The following RGS7 variants were observed in gnomAD, a reference collection of about 807,000 sequenced individuals.
RGS7 encodes the protein regulator of G protein signaling 7.
A neutral mutation model predicts 81.1 loss-of-function variants in RGS7; 27 were observed. That is an observed-to-expected ratio of 0.33 (90% CI 0.25 to 0.46). The LOEUF is 0.46. Among genes scored for constraint, RGS7 ranks in the 20% least tolerant of loss-of-function variants. The pLI, the probability that RGS7 is intolerant of heterozygous loss-of-function variation, is 1.00. For missense variants in RGS7, 396 were observed against 607.4 expected, an observed-to-expected ratio of 0.65 and a Z score of 3.66; for synonymous variants, 208 against 207.7, an observed-to-expected ratio of 1.00 and a Z score of -0.01.
chr1:240,982,806 G>GTA (rs1685118865), intron 4 of RGS7, among the ~76,000 whole-genome samples: 1 of 152,172 alleles, frequency 6.6e-6, no homozygotes, highest in African/African-American at 2.4e-5. Context: ...TTATGGACAT[G>GTA]TATACAGCTG....
intron 2 of RGS7, among the ~76,000 whole-genome samples, chr1:241,203,912 C>T (rs1212219340): frequency 6.6e-6 from 1 of 152,092 alleles, no homozygotes; most frequent in African/African-American, 2.4e-5. Context: ...ATGCACAGTC[C>T]AGACAAGGAA....
intron 2 of RGS7, among the ~76,000 whole-genome samples, chr1:241,301,062 A>C (rs934015650): frequency 6.6e-6 from 1 of 152,184 alleles, no homozygotes; most frequent in Non-Finnish European, 1.5e-5. Flanking sequence ...CCTTTTAGCC[A>C]TATCTATGCC....
intron 3 of RGS7, among the ~76,000 whole-genome samples, chr1:241,007,078 A>G (rs11801724): frequency 0.022 from 3,404 of 151,908 alleles, 134 homozygotes; most frequent in African/African-American, 0.077. Flanking sequence ...CACCATGCCC[A>G]GCTATTTTTT....
chr1:240,875,094 C>T (rs261825), intron 6 of RGS7, among the ~76,000 whole-genome samples: 53,963 of 151,926 alleles, frequency 0.36, 10,327 homozygotes, highest in African/African-American at 0.49. Context: ...TGGCAATTTT[C>T]AAGTATTAAT....
At chr1:240,940,216 T>C (rs1677356304) in intron 4 of RGS7, among the ~76,000 whole-genome samples, 1 of 152,244 alleles carries the variant, frequency 6.6e-6, no homozygotes, top group South Asian at 2.1e-4. Flanking sequence ...TTCTTTGTTC[T>C]GTCATTTTTT....
chr1:240,915,510 A>C (rs191735), intron 6 of RGS7, among the ~76,000 whole-genome samples: 83,727 of 152,006 alleles, frequency 0.55, 23,845 homozygotes, highest in Middle Eastern at 0.69. Flanking sequence ...TTTCTAGGAA[A>C]ACCCAAAGAC....
chr1:241,121,512 C>G (rs992581279), intron 2 of RGS7, among the ~76,000 whole-genome samples: 1 of 151,994 alleles, frequency 6.6e-6, no homozygotes, highest in Non-Finnish European at 1.5e-5. Context: ...ATTGATGCAG[C>G]CTCACATAAA....
intron 9 of RGS7, among the ~76,000 whole-genome samples, chr1:240,851,891 G>C (rs1660174067): frequency 6.6e-6 from 1 of 152,210 alleles, no homozygotes; most frequent in Non-Finnish European, 1.5e-5. Context: ...AGGGGGAGTT[G>C]CTTCTTATGG....
intron 2 of RGS7, among the ~76,000 whole-genome samples, chr1:241,145,956 T>C (rs1022437781): frequency 3.9e-5 from 6 of 152,180 alleles, no homozygotes; most frequent in African/African-American, 1.4e-4. Flanking sequence ...TCACTGAAAG[T>C]TCTCCTTTAA....
chr1:240,916,184 T>C (rs1276335245), intron 6 of RGS7, among the ~76,000 whole-genome samples: 1 of 147,582 alleles, frequency 6.8e-6, no homozygotes, highest in African/African-American at 2.5e-5. Context: ...AGGCTGAGCA[T>C]GAGAATTGCT....
chr1:240,984,686 A>G (rs1016937927), intron 3 of RGS7, among the ~76,000 whole-genome samples: 1 of 152,186 alleles, frequency 6.6e-6, no homozygotes, highest in South Asian at 2.1e-4. Context: ...TTCAGTGTGA[A>G]CCAAGATTCC....
chr1:240,884,835 C>T (rs186942888), intron 6 of RGS7, among the ~76,000 whole-genome samples: 43 of 152,260 alleles, frequency 2.8e-4, no homozygotes, highest in African/African-American at 9.6e-4. Flanking sequence ...ATCCTGGACA[C>T]AGGAACGGGC....
chr1:241,106,585 A>G (rs1422327521), intron 2 of RGS7, among the ~76,000 whole-genome samples: 1 of 151,914 alleles, frequency 6.6e-6, no homozygotes, highest in Non-Finnish European at 1.5e-5. Flanking sequence ...GTGTGGTGGC[A>G]GGTGCCTGTA....
Position 240,928,554 on chromosome 1 carries a change from A to T in RGS7, c.385+2163T>A, listed in dbSNP as rs1674861894. Reference sequence around the variant, plus strand: ...TAACATATTTATGAAAGATGACACAACAGATGGGCAGAAAGAAACACTGAG... The same window carrying T: ...TAACATATTTATGAAAGATGACACATCAGATGGGCAGAAAGAAACACTGAG... On this transcript the variant is annotated intron_variant, in intron 6 of 18. Transcript: ENST00000440928. 1.3e-5 allele frequency among the ~76,000 whole-genome samples: 2 copies of T among 152,140 alleles called. 1 individual carries two copies. Among genetic ancestry groups the T allele is most frequent in the South Asian group, 4.1e-4 (2 of 4,820 alleles).
chr1:241,004,547 C>T (rs2058585409), intron 3 of RGS7, among the ~76,000 whole-genome samples: 1 of 152,142 alleles, frequency 6.6e-6, no homozygotes, highest in Admixed American at 6.5e-5. Context: ...AGCACACGAA[C>T]TTAATGTGTA....
At chr1:241,240,300 T>C (rs187837777) in intron 2 of RGS7, among the ~76,000 whole-genome samples, 162 of 152,266 alleles carry the variant, frequency 1.1e-3, no homozygotes, top group African/African-American at 3.8e-3. Flanking sequence ...AATAACTCAG[T>C]GGGCTGATCC....
chr1:241,270,414 T>G (rs2077815839), intron 2 of RGS7, among the ~76,000 whole-genome samples: 2 of 152,218 alleles, frequency 1.3e-5, no homozygotes, highest in African/African-American at 4.8e-5. Flanking sequence ...TTAATGATCT[T>G]GAGGTCATTT....
At chr1:241,213,829 AT>A (rs2074391345) in intron 2 of RGS7, among the ~76,000 whole-genome samples, 1 of 152,186 alleles carries the variant, frequency 6.6e-6, no homozygotes, top group South Asian at 2.1e-4. Context: ...TAGCAGTGCA[AT>A]CACTGCTCAC....
chr1:241,096,050 A>G (rs2064226380), intron 3 of RGS7, among the ~76,000 whole-genome samples: 1 of 152,104 alleles, frequency 6.6e-6, no homozygotes, highest in African/African-American at 2.4e-5. Context: ...GCAAAGATTG[A>G]CTCCAGTCTG....
Sources: allele counts gnomAD v4.1 joint callset (sites outside exome capture counted in the v4.1 genomes callset), GRCh38; gene constraint gnomAD v4.1.1; transcripts MANE v1.5; gene names NCBI Gene and HGNC (gene_info 2026-07-23, HGNC 2026-07-21).